Variants in VAC14 observed in about 807,000 individuals in gnomAD.
VAC14 encodes VAC14 component of PIKFYVE complex.
Under a neutral mutation model 85.3 loss-of-function variants are expected in VAC14, and 47 were observed. The ratio of observed to expected loss-of-function variants is 0.55; its 90% confidence interval spans 0.44 to 0.70. The LOEUF (loss-of-function observed/expected upper bound fraction) is 0.70. Among genes scored for constraint, VAC14 ranks in the 30% least tolerant of loss-of-function variants. The pLI is 0.00. For missense variants in VAC14, 861 were observed against 1,004.3 expected (o/e 0.86, Z 1.93); for synonymous variants, 447 against 430.5 (o/e 1.04, Z -0.47).
At chr16:70,701,128 C>T (rs772524810) in intron 14 of VAC14, among the ~76,000 whole-genome samples, 2 of 152,188 alleles carry the variant, frequency 1.3e-5, no homozygotes, top group Non-Finnish European at 2.9e-5. Flanking sequence ...ATACCACCCT[C>T]TCCTGGTTTT....
chr16:70,783,327 G>T (rs982981517), intron 6 of VAC14, 118 bp downstream of exon 6: 2 of 1,127,604 alleles, frequency 1.8e-6, no homozygotes, highest in African/African-American at 1.5e-5. Context: ...AAGCACAAGA[G>T]CCAGGAAGAA....
At chr16:70,712,406 C>A (rs1276980806) in intron 14 of VAC14, among the ~76,000 whole-genome samples, 1 of 152,164 alleles carries the variant, frequency 6.6e-6, no homozygotes, top group Non-Finnish European at 1.5e-5. Flanking sequence ...TAACCACCGA[C>A]AGAGAAAGGC....
rs181160857 is a variant in VAC14, at chr16:70,793,286, C to T, written c.105-6921G>A. On this transcript the variant is annotated intron_variant, in intron 1 of 18. Coordinates refer to ENST00000261776, the MANE Select transcript of VAC14 (RefSeq NM_018052.5). ...GCAGGACACAGTGAGTAACCATCAG[C>T]TGAGTACTTACTATTTGCCAGGCAA... Among the ~76,000 whole-genome samples, 5 of 152,338 alleles carry T rather than the reference C, an allele frequency of 3.3e-5. No individual in the cohort carries two copies. The East Asian group carries it at 7.7e-4, about 23-fold the overall frequency.
intron 17 of VAC14, among the ~76,000 whole-genome samples, chr16:70,694,058 G>A (rs2053656004): frequency 1.3e-5 from 2 of 152,222 alleles, no homozygotes; most frequent in South Asian, 2.1e-4. Context: ...TGGGAAGCAG[G>A]CACTGCCGGT....
intron 18 of VAC14, chr16:70,689,453 A>G: frequency 1.0e-6 from 1 of 980,190 alleles, no homozygotes; most frequent in Non-Finnish European, 1.2e-6. Flanking sequence ...GTCAACGGCC[A>G]GAGCCTGACA....
chr16:70,740,085 C>T (rs560127792), intron 13 of VAC14, among the ~76,000 whole-genome samples: 15 of 152,124 alleles, frequency 9.9e-5, no homozygotes, highest in African/African-American at 3.4e-4. Context: ...CTCAGCCTGC[C>T]GAGTAGCTGG....
Position 70,720,175 on chromosome 16 carries a change from C to CGG in VAC14, c.1661+11318_1661+11319dup, listed in dbSNP as rs1214840663. The stretch of plus-strand genomic sequence containing the variant: ...TGTTGGAGTCAGTACTTGAGGGAGG[C>CGG]GGGGAGGGGCTGTCACTTGCAGGAG... On this transcript the variant is annotated intron_variant, in intron 14 of 18. Transcript: ENST00000261776. 2.0e-5 allele frequency among the ~76,000 whole-genome samples: 3 copies of CGG among 152,028 alleles called. No homozygotes were observed. In the South Asian group the frequency reaches 6.2e-4, roughly 32 times the overall value.
chr16:70,792,067 G>A (rs533188784), intron 1 of VAC14, among the ~76,000 whole-genome samples: 3 of 152,324 alleles, frequency 2.0e-5, no homozygotes, highest in East Asian at 1.9e-4. Context: ...AAGGTGCACC[G>A]GCTTGGATGA....
rs746220692 is a variant in VAC14 at position 70,755,161 on chromosome 16, G to A, written c.1371+7379C>T. On this transcript the variant is annotated intron_variant, in intron 12 of 18. Transcript: ENST00000261776. The stretch of plus-strand genomic sequence containing the variant: ...CCACCCTGCAGCAGGCCTGGCCACC[G>A]GCCTCAGCGCTTCTGGGAGAAGGTC... The A allele has an allele frequency of 4.5e-5, 13 of 291,954 alleles. 1 individual carries two copies. Among genetic ancestry groups the A allele is most frequent in the South Asian group, 2.2e-4 (8 of 36,944 alleles). 18.1% of individuals were successfully genotyped at this position (291,954 alleles called of 1,614,324 possible). A position where few individuals can be genotyped will look rare whatever the true frequency, so the allele number is the denominator to read the frequency against.
At chr16:70,745,417 T>C (rs2030770798) in intron 12 of VAC14, among the ~76,000 whole-genome samples, 1 of 152,026 alleles carries the variant, frequency 6.6e-6, no homozygotes, top group Non-Finnish European at 1.5e-5. Flanking sequence ...AAGTCCAGCC[T>C]ACCACTCTGC....
rs989506721 is a variant in VAC14 at position 70,756,560 on chromosome 16, G to T, written c.1371+5980C>A. Reference sequence around the variant, plus strand: ...GCTGAGAGGCCCAAGACCAAGGAGGGCTGGATAGGGCATCTGCCACCAGTG... The same window carrying T: ...GCTGAGAGGCCCAAGACCAAGGAGGTCTGGATAGGGCATCTGCCACCAGTG... On this transcript the variant is annotated intron_variant, in intron 12 of 18. Coordinates refer to ENST00000261776, the MANE Select transcript of VAC14 (RefSeq NM_018052.5). Among the ~76,000 whole-genome samples the T allele has an allele frequency of 4.6e-5, 7 of 152,294 alleles. No individual in the cohort carries two copies. The South Asian group carries it at 1.2e-3, about 27-fold the overall frequency.
intron 18 of VAC14, 165 bp from the exon 19 acceptor site, chr16:70,688,255 G>T: frequency 1.6e-6 from 2 of 1,259,518 alleles, no homozygotes; most frequent in Non-Finnish European, 2.0e-6. Flanking sequence ...CCCAGAGCTG[G>T]GAAGCCCCTG....
chr16:70,703,327 GGGGT>G (rs1409321413), intron 14 of VAC14, among the ~76,000 whole-genome samples: 1 of 151,758 alleles, frequency 6.6e-6, no homozygotes, highest in Non-Finnish European at 1.5e-5. Flanking sequence ...GCAGAGAGCT[GGGGT>G]GGGAGGGAAC....
rs1192283850 is a variant in VAC14 at position 70,762,660 on chromosome 16, CGTGCA to C, written c.1306-60_1306-56del. On this transcript the variant is annotated intron_variant, in intron 11 of 18. Transcript: ENST00000261776. This position sits in a 1 kb window ranked among gnomAD's most constrained non-coding sequence, Gnocchi z 4.1. ...GAGTGCTCCCTTCGCCCCGGGACTA[CGTGCA>C]GTGCAGTGTCCCGCTGGTGTGCACG... 6.3e-7 allele frequency: 1 copy of C among 1,580,830 alleles called. No homozygotes were observed.
At chr16:70,691,189 GCT>G in intron 18 of VAC14, 1 of 985,544 alleles carries the variant, frequency 1.0e-6, no homozygotes, top group Non-Finnish European at 1.2e-6. Context: ...GAGTCTGACT[GCT>G]CTGAGCCTCT....
Position 70,781,938 on chromosome 16 carries a change from T to C in VAC14, c.877A>G (p.Met293Val), listed in dbSNP as rs993521944. ...REFIQLAGRV[M>V]LPYSSGILTA... is the part of the protein sequence containing the mutation. ...AGGATCCCGGAGGAGTAAGGCAGCA[T>C]GACGCGGCCCGCCAGCTGGATGAAC... Residue 293 changes from methionine (M) to valine (V), a missense_variant, in exon 8 of 19, where the codon ATG becomes GTG. Transcript: ENST00000261776. 1.2e-6 allele frequency: 2 copies of C among 1,614,100 alleles called. No individual in the cohort carries two copies. Among genetic ancestry groups the C allele is most frequent in the Non-Finnish European group, 1.7e-6 (2 of 1,180,018 alleles).
At chr16:70,800,468 T>C (rs2034734165) in intron 1 of VAC14, among the ~76,000 whole-genome samples, 1 of 152,156 alleles carries the variant, frequency 6.6e-6, no homozygotes, top group Admixed American at 6.5e-5. Context: ...GAGACAACTC[T>C]CTGATTTGCT....
At chr16:70,707,871 A>G (rs1287324894) in intron 14 of VAC14, among the ~76,000 whole-genome samples, 1 of 150,100 alleles carries the variant, frequency 6.7e-6, no homozygotes, top group Non-Finnish European at 1.5e-5. Flanking sequence ...GCTCGCTGCA[A>G]CCTCTGCCTC....
At chr16:70,711,712 T>G (rs917673038) in intron 14 of VAC14, among the ~76,000 whole-genome samples, 7 of 152,164 alleles carry the variant, frequency 4.6e-5, no homozygotes, top group Admixed American at 4.6e-4. Flanking sequence ...TGGCTGTGAT[T>G]AGGAGCTAGA....
Sources: gnomAD v4.1 joint callset for allele counts (sites outside exome capture counted in the v4.1 genomes callset) on GRCh38, gnomAD v4.1.1 for gene constraint, Gnocchi (gnomAD v3.1) non-coding constraint, MANE v1.5 for transcripts, NCBI Gene and HGNC (gene_info 2026-07-23, HGNC 2026-07-21) for gene names.